The following SPATA9 variants were observed in gnomAD, a reference collection of about 807,000 sequenced individuals.
SPATA9 encodes the protein spermatogenesis associated 9, also known as spermatogenesis-associated protein 9.
SPATA9 carries 27 observed loss-of-function variants against 25.5 expected under a neutral mutation model. That is an observed-to-expected ratio of 1.06 (90% CI 0.78 to 1.46). The LOEUF (loss-of-function observed/expected upper bound fraction) is 1.46. Ranked by LOEUF, SPATA9 falls within the 40% of genes most tolerant of loss-of-function variation. SPATA9 has a pLI of 0.00. For missense variants in SPATA9, 282 were observed against 297.5 expected, an observed-to-expected ratio of 0.95 and a Z score of 0.38; for synonymous variants, 102 against 105.7, an observed-to-expected ratio of 0.97 and a Z score of 0.21.
the SPATA9 span, among the ~76,000 whole-genome samples, chr5:95,720,019 T>G: frequency 1.3e-5 from 2 of 152,176 alleles, no homozygotes; most frequent in African/African-American, 4.8e-5. Flanking sequence ...GGGAAGACAG[T>G]GTTTGCTACC....
intron 3 of SPATA9, among the ~76,000 whole-genome samples, chr5:95,665,540 A>G (rs1278851508): frequency 6.6e-6 from 1 of 152,236 alleles, no homozygotes; most frequent in African/African-American, 2.4e-5. Context: ...CCTTGCCATC[A>G]CAAATGACAG....
chr5:95,652,359 A>G (rs779639291), downstream of SPATA9: 3 of 1,547,244 alleles, frequency 1.9e-6, no homozygotes, highest in South Asian at 2.4e-5. Flanking sequence ...TATGACCTGG[A>G]AACTCCCCAG....
chr5:95,731,682 C>T, the SPATA9 span: 2 of 1,613,340 alleles, frequency 1.2e-6, no homozygotes, highest in African/African-American at 1.3e-5. Flanking sequence ...GATTTGAGAT[C>T]ATGTACGTAC....
downstream of SPATA9, among the ~76,000 whole-genome samples, chr5:95,655,785 C>A (rs1315394913): frequency 6.6e-6 from 1 of 152,192 alleles, no homozygotes; most frequent in Non-Finnish European, 1.5e-5. Context: ...TAGATAACAG[C>A]ACAGCTGCAG....
chr5:95,701,186 A>G (rs1345939627), upstream of SPATA9: 4 of 152,228 alleles, frequency 2.6e-5, no homozygotes, highest in East Asian at 7.7e-4. Context: ...TAACCTCTTG[A>G]TATAAAGCAG....
chr5:95,729,532 G>A, the SPATA9 span, among the ~76,000 whole-genome samples: 2 of 151,906 alleles, frequency 1.3e-5, no homozygotes, highest in Admixed American at 6.6e-5. Context: ...TTCAGTACAC[G>A]CTCTAGTGTT....
the SPATA9 span, chr5:95,732,085 G>A: frequency 6.2e-7 from 1 of 1,613,540 alleles, no homozygotes; most frequent in Non-Finnish European, 8.5e-7. Flanking sequence ...TCCCGTCTGG[G>A]TAAGGAAGAG....
intron 2 of SPATA9, among the ~76,000 whole-genome samples, chr5:95,679,784 G>A (rs2112671071): frequency 6.6e-6 from 1 of 152,310 alleles, no homozygotes; most frequent in African/African-American, 2.4e-5. Context: ...ATACCATCTA[G>A]GAGTCCATTC....
chr5:95,675,335 A>G, intron 3 of SPATA9, 77 bp downstream of exon 3: 1 of 1,181,948 alleles, frequency 8.5e-7, no homozygotes. Flanking sequence ...CAAGTTCACC[A>G]CATTTTATTT....
At chr5:95,690,986 G>A (rs1753874059) in intron 1 of SPATA9, among the ~76,000 whole-genome samples, 1 of 151,718 alleles carries the variant, frequency 6.6e-6, no homozygotes, top group South Asian at 2.1e-4. Context: ...TATACATGTA[G>A]TCTCTCTAAT....
chr5:95,668,454 C>T (rs1752038826), intron 3 of SPATA9, among the ~76,000 whole-genome samples: 1 of 152,022 alleles, frequency 6.6e-6, no homozygotes, highest in African/African-American at 2.4e-5. Flanking sequence ...TATTATAAAC[C>T]ATGCTGTTTC....
chr5:95,705,386 A>G, the SPATA9 span, among the ~76,000 whole-genome samples: 1 of 152,364 alleles, frequency 6.6e-6, no homozygotes, highest in Non-Finnish European at 1.5e-5. Context: ...TCCATAGCAT[A>G]TATAATTAAG....
Position 95,675,496 on chromosome 5 carries a change from T to C in SPATA9, c.294A>G (p.Ala98=). 1.2e-6 allele frequency: 2 copies of C among 1,614,182 alleles called. No homozygotes were observed. Among genetic ancestry groups the C allele is most frequent in the African/African-American group, 1.3e-5 (1 of 75,040 alleles). The change falls in exon 3 of 5, where the codon GCA becomes GCG. Residue 98 remains alanine (A), a synonymous_variant. Transcript: ENST00000274432. ...SVAKLLHPQL[A]CRLLELRDIS... ...TGTCCCTTAGCTCTAAAAGTCTGCA[T>C]GCAAGCTGAGGATGCAGAAGTTTGG... is the stretch of plus-strand genomic sequence containing the variant.
downstream of SPATA9, chr5:95,654,093 A>G: frequency 6.2e-7 from 1 of 1,611,664 alleles, no homozygotes; most frequent in Non-Finnish European, 8.5e-7. Flanking sequence ...CAAGATCCTG[A>G]AAAGAGGGAA....
chr5:95,715,894 T>C, the SPATA9 span, among the ~76,000 whole-genome samples: 2 of 152,152 alleles, frequency 1.3e-5, no homozygotes, highest in African/African-American at 2.4e-5. Flanking sequence ...AACCACTCAA[T>C]GTAAAATACG....
At chr5:95,654,083 C>T, downstream of SPATA9, 1 of 1,611,058 alleles carries the variant, frequency 6.2e-7, no homozygotes, top group East Asian at 2.2e-5. Context: ...TGGCTCTGCA[C>T]AAGATCCTGA....
the SPATA9 span, among the ~76,000 whole-genome samples, chr5:95,730,111 G>A: frequency 6.6e-6 from 1 of 151,416 alleles, no homozygotes; most frequent in Non-Finnish European, 1.5e-5. Flanking sequence ...ACCACATAAA[G>A]AATATCTCCC....
chr5:95,731,297 C>A, the SPATA9 span: 8 of 1,040,512 alleles, frequency 7.7e-6, no homozygotes, highest in Non-Finnish European at 9.2e-6. Context: ...TCCCCGACCC[C>A]CCTTCTCTGC....
chr5:95,731,547 C>G, the SPATA9 span: 1 of 1,436,864 alleles, frequency 7.0e-7, no homozygotes. Context: ...GCGTCGGCCC[C>G]GCCGCGGTGG....
Sources: gnomAD v4.1 joint callset for allele counts (sites outside exome capture counted in the v4.1 genomes callset) on GRCh38, gnomAD v4.1.1 for gene constraint, MANE v1.5 for transcripts, NCBI Gene and HGNC (gene_info 2026-07-23, HGNC 2026-07-21) for gene names.